The following GALNT13 variants were observed in gnomAD, a reference collection of about 807,000 sequenced individuals.
The protein encoded by GALNT13 is UDP-GalNAc:polypeptide N-acetylgalactosaminyltransferase 13.
GALNT13 carries 28 observed loss-of-function variants against 64.2 expected under a neutral mutation model. The observed-to-expected ratio is 0.44, with a 90% CI of 0.32 to 0.60. The LOEUF is 0.60. Among genes scored for constraint, GALNT13 ranks in the 20% least tolerant of loss-of-function variants. The pLI, the probability that GALNT13 is intolerant of heterozygous loss-of-function variation, is 0.05. For synonymous variants in GALNT13, 214 were observed against 224.6 expected (o/e 0.95, Z 0.42); for missense variants, 577 against 669.8 (o/e 0.86, Z 1.53).
chr2:154,320,362 G>A (rs5011659), intron 9 of GALNT13, among the ~76,000 whole-genome samples: 26,832 of 152,060 alleles, frequency 0.18, 2,502 homozygotes, highest in Middle Eastern at 0.25. Flanking sequence ...CTTCCATTAT[G>A]CTTTCCCATG....
chr2:153,381,204 C>T, the GALNT13 span, among the ~76,000 whole-genome samples: 1 of 152,124 alleles, frequency 6.6e-6, no homozygotes, highest in Admixed American at 6.6e-5. Flanking sequence ...TCCTCATCCT[C>T]CCGAAGTGCT....
chr2:153,146,403 T>C, the GALNT13 span, among the ~76,000 whole-genome samples: 2 of 151,892 alleles, frequency 1.3e-5, no homozygotes, highest in African/African-American at 4.8e-5. Context: ...AGATTTCCCA[T>C]TTATTCTGGG....
At chr2:154,059,151 C>T (rs1261120460) in intron 3 of GALNT13, among the ~76,000 whole-genome samples, 1 of 152,192 alleles carries the variant, frequency 6.6e-6, no homozygotes, top group Non-Finnish European at 1.5e-5. Flanking sequence ...ACTGCGGTTA[C>T]CGCAAACTGA....
At chr2:153,731,062 A>G in the GALNT13 span, among the ~76,000 whole-genome samples, 2 of 151,204 alleles carry the variant, frequency 1.3e-5, no homozygotes, top group Non-Finnish European at 3.0e-5. Flanking sequence ...ATAAACTATT[A>G]TATATATATA....
chr2:153,861,328 C>A, the GALNT13 span, among the ~76,000 whole-genome samples: 1 of 152,048 alleles, frequency 6.6e-6, no homozygotes, highest in Non-Finnish European at 1.5e-5. Flanking sequence ...TGTGAAATGG[C>A]AGAATTGGAT....
At chr2:154,289,436 C>T (rs1692472269) in intron 8 of GALNT13, among the ~76,000 whole-genome samples, 1 of 152,152 alleles carries the variant, frequency 6.6e-6, no homozygotes, top group Admixed American at 6.5e-5. Flanking sequence ...GGGGAGGCCT[C>T]ACAAAATGGC....
the GALNT13 span, among the ~76,000 whole-genome samples, chr2:153,583,340 G>A: frequency 5.3e-5 from 8 of 152,270 alleles, no homozygotes; most frequent in South Asian, 1.7e-3. Flanking sequence ...TTTCCAAGAT[G>A]GTTGACTAGA....
chr2:154,216,003 T>G (rs1008132745), intron 4 of GALNT13, among the ~76,000 whole-genome samples: 1 of 151,842 alleles, frequency 6.6e-6, no homozygotes, highest in Non-Finnish European at 1.5e-5. Flanking sequence ...ATTTTAGAAA[T>G]ATAAAACAAA....
intron 9 of GALNT13, among the ~76,000 whole-genome samples, chr2:154,329,542 T>C (rs1695057547): frequency 6.6e-6 from 1 of 152,160 alleles, no homozygotes; most frequent in Middle Eastern, 3.2e-3. Context: ...GTTTTACACA[T>C]TTTGGAAACA....
chr2:154,189,139 G>C (rs923918375), intron 4 of GALNT13, among the ~76,000 whole-genome samples: 4 of 151,986 alleles, frequency 2.6e-5, no homozygotes, highest in Non-Finnish European at 5.9e-5. Context: ...ATTCAGACTA[G>C]TGTATAGAGA....
At chr2:154,286,632 C>T in intron 8 of GALNT13, 1 of 258,676 alleles carries the variant, frequency 3.9e-6, no homozygotes, top group Non-Finnish European at 7.5e-6. Flanking sequence ...TTTGGCCTGG[C>T]CTTATAGCTG....
chr2:154,079,172 C>T (rs1461897992), intron 3 of GALNT13, among the ~76,000 whole-genome samples: 1 of 151,230 alleles, frequency 6.6e-6, no homozygotes, highest in Non-Finnish European at 1.5e-5. Flanking sequence ...AGCTAATCAC[C>T]AAGAGATTTA....
chr2:154,340,068 A>G (rs1402760103), intron 9 of GALNT13, among the ~76,000 whole-genome samples: 1 of 152,146 alleles, frequency 6.6e-6, no homozygotes, highest in Non-Finnish European at 1.5e-5. Context: ...AAGAATCACA[A>G]TGTTGTATAT....
Position 154,340,899 on chromosome 2 carries a change from A to AGTGT in GALNT13, c.1156+39330_1156+39333dup, listed in dbSNP as rs57448184. ...GATATCTTTGTTCTTTGTGTGTATG[A>AGTGT]GTGTGTGTGTGTGTGTGTGTGTGCC... On this transcript the variant is annotated intron_variant, in intron 9 of 12. Coordinates refer to ENST00000392825, the MANE Select transcript of GALNT13 (RefSeq NM_052917.4). 7.6e-3 allele frequency among the ~76,000 whole-genome samples: 1,129 copies of AGTGT among 149,308 alleles called. 6 individuals carry two copies. The highest frequency in any genetic ancestry group is 0.024 in the Middle Eastern group (7 of 290).
chr2:154,226,780 T>A (rs1346295312), intron 4 of GALNT13, among the ~76,000 whole-genome samples: 1 of 152,148 alleles, frequency 6.6e-6, no homozygotes, highest in Non-Finnish European at 1.5e-5. Flanking sequence ...TAAGTTTTTA[T>A]GCCGCAAGAA....
chr2:153,891,307 A>G (rs1432210033), intron 1 of GALNT13, among the ~76,000 whole-genome samples: 1 of 152,032 alleles, frequency 6.6e-6, no homozygotes, highest in Non-Finnish European at 1.5e-5. Context: ...TGGCTTTCCC[A>G]GTAGGATAGT....
At chr2:153,655,536 T>C in the GALNT13 span, among the ~76,000 whole-genome samples, 1 of 152,116 alleles carries the variant, frequency 6.6e-6, no homozygotes. Context: ...AACATGAGAA[T>C]CGTGGATAGC....
the GALNT13 span, among the ~76,000 whole-genome samples, chr2:153,710,734 C>G: frequency 6.6e-6 from 1 of 151,984 alleles, no homozygotes; most frequent in Non-Finnish European, 1.5e-5. Context: ...TAATATTACC[C>G]ACTTGTCAAT....
At chr2:153,293,297 A>G in the GALNT13 span, among the ~76,000 whole-genome samples, 1 of 152,116 alleles carries the variant, frequency 6.6e-6, no homozygotes, top group African/African-American at 2.4e-5. Flanking sequence ...TTGTAATAAT[A>G]CAAGCCCACC....
Sources: gnomAD v4.1 joint callset for allele counts (sites outside exome capture counted in the v4.1 genomes callset) on GRCh38, gnomAD v4.1.1 for gene constraint, MANE v1.5 for transcripts, NCBI Gene and HGNC (gene_info 2026-07-23, HGNC 2026-07-21) for gene names.